CSMD2: variants seen among roughly 807,000 people sequenced by gnomAD.
CSMD2 encodes the protein CUB and sushi domain-containing protein 2.
Under a neutral mutation model 398.5 loss-of-function variants are expected in CSMD2, and 130 were observed. The ratio of observed to expected loss-of-function variants is 0.33; its 90% CI spans 0.28 to 0.38. The LOEUF is 0.38. CSMD2 is among the 10% of genes least tolerant of loss of function. CSMD2 has a pLI of 1.00. For synonymous variants in CSMD2, 1,828 were observed against 1,908.5 expected (o/e 0.96, Z 1.10); for missense variants, 3,829 against 4,764.9 (o/e 0.80, Z 5.78).
chr1:34,114,921 C>G (rs1661459671), intron 1 of CSMD2, among the ~76,000 whole-genome samples: 1 of 151,852 alleles, frequency 6.6e-6, no homozygotes, highest in South Asian at 2.1e-4. Flanking sequence ...CAAGATCAAA[C>G]AGAAATTCTA....
rs376232025 is a variant in CSMD2, at chr1:33,709,355, G to A, written c.3407-97C>T. On this transcript the variant is annotated intron_variant, in intron 21 of 70. Transcript: ENST00000373381. The stretch of plus-strand genomic sequence containing the variant: ...AAGAACCTGACAAAGATGACAAGTC[G>A]TTTGCCTGTCTACCTGCCAAGGTGC... The A allele has an allele frequency of 6.3e-4, 699 of 1,102,290 alleles. 11 individuals carry two copies. In the South Asian group the frequency reaches 0.01, roughly 16 times the overall value. 68.3% of individuals were successfully genotyped at this position (1,102,290 alleles called of 1,614,324 possible).
At chr1:33,594,799 G>A (rs1276449895) in intron 44 of CSMD2, among the ~76,000 whole-genome samples, 8 of 152,072 alleles carry the variant, frequency 5.3e-5, no homozygotes, top group Admixed American at 1.3e-4. Context: ...TGAAAATTAC[G>A]CTATTTTGTT....
chr1:33,561,644 G>A (rs897172867), intron 53 of CSMD2, among the ~76,000 whole-genome samples: 7 of 152,176 alleles, frequency 4.6e-5, no homozygotes, highest in African/African-American at 1.7e-4. Flanking sequence ...CCAGTGGGCT[G>A]GTGCTGAGAT....
At chr1:33,630,582 G>A (rs886417513) in intron 32 of CSMD2, among the ~76,000 whole-genome samples, 2 of 152,060 alleles carry the variant, frequency 1.3e-5, no homozygotes, top group African/African-American at 4.8e-5. Context: ...GAGCTCATTC[G>A]TCTTGCTTCT....
rs550416500 is a variant in CSMD2, at chr1:34,164,452, G to A, written c.187+459C>T. ...GCAGGGAAGGGCAGACCTTGCAGAC[G>A]CAGAAATGGGGAGGGGGCGCACGGT... On this transcript the variant is annotated intron_variant, in intron 1 of 70. Transcript: ENST00000373381. This position sits in a 1 kb window ranked among gnomAD's most constrained non-coding sequence, Gnocchi z 6.2. 2.0e-5 allele frequency among the ~76,000 whole-genome samples: 3 copies of A among 152,018 alleles called. No individual in the cohort carries two copies. Among genetic ancestry groups the A allele is most frequent in the Non-Finnish European group, 4.4e-5 (3 of 67,988 alleles).
intron 10 of CSMD2, among the ~76,000 whole-genome samples, chr1:33,810,019 A>T (rs1656678712): frequency 6.6e-6 from 1 of 152,150 alleles, no homozygotes; most frequent in Non-Finnish European, 1.5e-5. Context: ...AACCCTAAAC[A>T]AATAGAGAGA....
At chr1:33,964,241 CCTCT>C (rs1558169405) in intron 3 of CSMD2, among the ~76,000 whole-genome samples, 1 of 151,874 alleles carries the variant, frequency 6.6e-6, no homozygotes, top group African/African-American at 2.4e-5. Context: ...TGGGACTTAA[CCTCT>C]CTATGTCTCA....
At chr1:33,527,080 A>G in intron 65 of CSMD2, 116 bp downstream of exon 65, 1 of 926,400 alleles carries the variant, frequency 1.1e-6, no homozygotes, top group East Asian at 2.4e-5. Context: ...ATTTATAGAT[A>G]GTTTTCATGC....
chr1:33,520,873 C>G (rs1378446128), intron 68 of CSMD2, among the ~76,000 whole-genome samples: 1 of 152,220 alleles, frequency 6.6e-6, no homozygotes, highest in African/African-American at 2.4e-5. Context: ...GACCCCTCCC[C>G]CCACCAGAGT....
intron 3 of CSMD2, among the ~76,000 whole-genome samples, chr1:34,028,810 C>A (rs10799020): frequency 6.6e-6 from 1 of 152,136 alleles, no homozygotes; most frequent in Non-Finnish European, 1.5e-5. Flanking sequence ...CCAGCTGCTG[C>A]GGCCCACGCT....
intron 12 of CSMD2, among the ~76,000 whole-genome samples, chr1:33,784,157 C>T (rs1340865771): frequency 6.6e-6 from 1 of 152,144 alleles, no homozygotes; most frequent in African/African-American, 2.4e-5. Flanking sequence ...CATGGAAGTA[C>T]ACGTGATCAA....
chr1:33,587,457 G>A (rs750659249), intron 44 of CSMD2, among the ~76,000 whole-genome samples: 2 of 152,196 alleles, frequency 1.3e-5, no homozygotes, highest in Non-Finnish European at 2.9e-5. Flanking sequence ...GTGGATATTA[G>A]GCGTTTTATA....
intron 28 of CSMD2, among the ~76,000 whole-genome samples, chr1:33,651,316 A>C (rs1430792167): frequency 6.6e-6 from 1 of 152,238 alleles, no homozygotes; most frequent in Non-Finnish European, 1.5e-5. Flanking sequence ...CCGTGAGAGC[A>C]GGTGTCAATG....
intron 19 of CSMD2, among the ~76,000 whole-genome samples, chr1:33,718,452 A>G (rs1646247018): frequency 6.6e-6 from 1 of 152,222 alleles, no homozygotes; most frequent in African/African-American, 2.4e-5. Context: ...AACTTGAATG[A>G]ACCATGCAGA....
At position 33,542,801 on chromosome 1, in the gene CSMD2, C is replaced by T; in HGVS notation, c.9196G>A (p.Glu3066Lys). 1 of 1,614,172 alleles carries T rather than the reference C, an allele frequency of 6.2e-7. No individual in the cohort carries two copies. Among genetic ancestry groups the T allele is most frequent in the Non-Finnish European group, 8.5e-7 (1 of 1,180,030 alleles). ...FSSSIVYECR[E>K]GYYATGLLSR... Reference sequence around the variant, plus strand: ...AGCAGGCCTGTGGCGTAGTATCCTTCCCGGCACTCATAGACGATAGAGCTG... The same window carrying T: ...AGCAGGCCTGTGGCGTAGTATCCTTTCCGGCACTCATAGACGATAGAGCTG... Residue 3066 changes from glutamate to lysine, a missense_variant, in exon 58 of 71, where the codon GAA (glutamate) becomes AAA (lysine). By Grantham distance (56) the Glu-to-Lys change is moderately conservative (BLOSUM62 1). Around this residue, in one of 5 missense-constraint regions of CSMD2, gnomAD observed 917 missense variants for 1,199.5 expected, o/e 0.76. Transcript: ENST00000373381.
chr1:34,100,017 A>T (rs1278864881), intron 1 of CSMD2, among the ~76,000 whole-genome samples: 2 of 152,198 alleles, frequency 1.3e-5, no homozygotes, highest in African/African-American at 4.8e-5. Flanking sequence ...TACAGGCAAG[A>T]TTTAAAAAGA....
chr1:34,133,060 T>C (rs1638310489), intron 1 of CSMD2, among the ~76,000 whole-genome samples: 1 of 151,894 alleles, frequency 6.6e-6, no homozygotes, highest in Admixed American at 6.6e-5. Flanking sequence ...GTTGGGCACC[T>C]CAGTGTCAGG....
chr1:33,851,347 T>C (rs1048326361), intron 5 of CSMD2, among the ~76,000 whole-genome samples: 3 of 152,158 alleles, frequency 2.0e-5, no homozygotes, highest in Non-Finnish European at 4.4e-5. Context: ...GTGGGCATTA[T>C]CTGTTAAGTA....
At chr1:34,028,358 T>C (rs922758810) in intron 3 of CSMD2, among the ~76,000 whole-genome samples, 1 of 152,136 alleles carries the variant, frequency 6.6e-6, no homozygotes, top group Admixed American at 6.5e-5. Context: ...ATTTGGGGTA[T>C]ACTTACACTA....
Sources: gnomAD v4.1 joint callset for allele counts (sites outside exome capture counted in the v4.1 genomes callset) on GRCh38, gnomAD v4.1.1 for gene constraint, gnomAD v4.1.1 regional missense constraint, Gnocchi (gnomAD v3.1) non-coding constraint, MANE v1.5 for transcripts, NCBI Gene and HGNC (gene_info 2026-07-23, HGNC 2026-07-21) for gene names.